NEAT1: variants seen among roughly 807,000 people sequenced by gnomAD.
The protein encoded by NEAT1 is nuclear paraspeckle assembly transcript 1, also known as MENepsilon/beta.
At chr11:65,436,575 A>G (rs1856659635) in exon 1 of NEAT1, 1 of 152,232 alleles carries the variant, frequency 6.6e-6, no homozygotes, top group South Asian at 2.1e-4. Flanking sequence ...GTTTCTTTCC[A>G]GAGAACCTGT....
chr11:65,423,808 G>A (rs569175197), exon 1 of NEAT1: 1 of 152,390 alleles, frequency 6.6e-6, no homozygotes, highest in South Asian at 2.1e-4. Flanking sequence ...TAATGGTGGA[G>A]GAAGAGAGGC....
exon 1 of NEAT1, chr11:65,430,217 C>T (rs1034071548): frequency 2.6e-5 from 4 of 152,396 alleles, no homozygotes; most frequent in East Asian, 1.9e-4. Flanking sequence ...TGCCTCTGCC[C>T]TCCTTCCCCG....
At chr11:65,441,719 C>A (rs1856716295) in exon 1 of NEAT1, 1 of 151,968 alleles carries the variant, frequency 6.6e-6, no homozygotes, top group Non-Finnish European at 1.5e-5. Context: ...ATAAAGTAAG[C>A]AGTTCTGCTT....
chr11:65,434,910 T>A (rs568446307), exon 1 of NEAT1: 1 of 152,378 alleles, frequency 6.6e-6, no homozygotes, highest in South Asian at 2.1e-4. Flanking sequence ...TAGATTCTTG[T>A]CATCTGTGTG....
chr11:65,427,253 A>G (rs1450020282), exon 1 of NEAT1: 1 of 152,406 alleles, frequency 6.6e-6, no homozygotes, highest in African/African-American at 2.4e-5. Flanking sequence ...TGGGCGTAGA[A>G]TGGAAGCCAC....
At chr11:65,436,027 C>T (rs1018776447) in exon 1 of NEAT1, 1 of 152,214 alleles carries the variant, frequency 6.6e-6, no homozygotes, top group Non-Finnish European at 1.5e-5. Context: ...TGCGCCTGCC[C>T]TCCGCTGGGC....
exon 1 of NEAT1, chr11:65,431,612 G>A (rs1856614627): frequency 6.6e-6 from 1 of 152,134 alleles, no homozygotes; most frequent in African/African-American, 2.4e-5. Context: ...CATAGTGGGT[G>A]TGAGGTGACA....
At chr11:65,426,450 C>G (rs1055519) in exon 1 of NEAT1, 1 of 152,176 alleles carries the variant, frequency 6.6e-6, no homozygotes, top group African/African-American at 2.4e-5. Context: ...AGAACTAATT[C>G]TGTTACGTCA....
exon 1 of NEAT1, chr11:65,431,954 G>C (rs777663825): frequency 6.6e-6 from 1 of 152,108 alleles, no homozygotes; most frequent in Non-Finnish European, 1.5e-5. Context: ...TACTTTTGTG[G>C]TCTGTGCTTT....
chr11:65,442,850 A>T (rs1220130426), exon 1 of NEAT1: 1 of 152,276 alleles, frequency 6.6e-6, no homozygotes, highest in African/African-American at 2.4e-5. Flanking sequence ...ACTACACTCC[A>T]GCCTGGGTGA....
chr11:65,444,267 GT>G, exon 1 of NEAT1: 1 of 3,908 alleles, frequency 2.6e-4, no homozygotes, highest in Non-Finnish European at 5.1e-4. Flanking sequence ...CTCAGACTGT[GT>G]GTGTGTGTGT....
exon 1 of NEAT1, chr11:65,433,473 C>G (rs1168188393): frequency 6.6e-6 from 1 of 152,090 alleles, no homozygotes; most frequent in African/African-American, 2.4e-5. Flanking sequence ...CTCTCTTTTA[C>G]TTGCTTTCTT....
At chr11:65,426,313 T>TA (rs1166367651) in exon 1 of NEAT1, 1 of 152,222 alleles carries the variant, frequency 6.6e-6, no homozygotes, top group Non-Finnish European at 1.5e-5. Flanking sequence ...TGCAAACAAT[T>TA]ACTGTCGTTG....
chr11:65,426,984 C>G (rs368569151), exon 1 of NEAT1: 1 of 152,082 alleles, frequency 6.6e-6, no homozygotes, highest in African/African-American at 2.4e-5. Context: ...TAAGTGTATG[C>G]GTAATTCTTA....
At chr11:65,428,124 A>G (rs1257400838) in exon 1 of NEAT1, 2 of 152,266 alleles carry the variant, frequency 1.3e-5, no homozygotes, top group Admixed American at 6.5e-5. Context: ...ATCCGTTTGC[A>G]TCCTTATGCA....
chr11:65,443,903 G>A (rs1856738958), exon 1 of NEAT1: 1 of 156,684 alleles, frequency 6.4e-6, no homozygotes, highest in Non-Finnish European at 1.4e-5. Flanking sequence ...ACACACCCAA[G>A]GGTTCTGTTG....
At chr11:65,444,382 T>C (rs528197741) in exon 1 of NEAT1, 4 of 457,322 alleles carry the variant, frequency 8.7e-6, no homozygotes, top group Non-Finnish European at 1.8e-5. Flanking sequence ...TCAGGATGAG[T>C]AGAAGGCACC....
exon 1 of NEAT1, chr11:65,441,990 T>C (rs1161157947): frequency 6.6e-6 from 1 of 152,224 alleles, no homozygotes; most frequent in African/African-American, 2.4e-5. Context: ...GGGCGTGCAG[T>C]GTCTGTAAGG....
exon 1 of NEAT1, chr11:65,440,854 A>T (rs1236793982): frequency 6.6e-6 from 1 of 151,942 alleles, no homozygotes; most frequent in Admixed American, 6.6e-5. Context: ...AAAAAAAAAA[A>T]AAAAAAAAAA....
Sources: gnomAD v4.1 joint callset for allele counts on GRCh38, gnomAD v4.1.1 for gene constraint, MANE v1.5 for transcripts, NCBI Gene and HGNC (gene_info 2026-07-23, HGNC 2026-07-21) for gene names.